Variants in NUP98 observed in about 807,000 individuals in gnomAD.
NUP98 encodes the protein nuclear pore complex protein Nup98-Nup96.
In NUP98, 26 loss-of-function variants were observed where a neutral mutation model predicts 191.9. That is an observed-to-expected ratio of 0.14 (90% CI 0.10 to 0.19). The LOEUF (loss-of-function observed/expected upper bound fraction) is 0.19. NUP98 is among the 10% of genes least tolerant of loss of function. The probability of loss-of-function intolerance (pLI) is 1.00; values close to 1 mark genes in which losing one functional copy is unlikely to be tolerated. For synonymous variants in NUP98, 808 were observed against 778.4 expected (o/e 1.04, Z -0.63); for missense variants, 1,941 against 2,178.8 (o/e 0.89, Z 2.17).
intron 14 of NUP98, among the ~76,000 whole-genome samples, chr11:3,728,001 A>G (rs888900414): frequency 2.4e-4 from 37 of 152,306 alleles, no homozygotes; most frequent in African/African-American, 8.7e-4. Flanking sequence ...AGCCTGGGTG[A>G]CAGAGTAAGA....
At chr11:3,782,777 A>G (rs987290750) in intron 1 of NUP98, among the ~76,000 whole-genome samples, 1 of 151,902 alleles carries the variant, frequency 6.6e-6, no homozygotes, top group Non-Finnish European at 1.5e-5. Flanking sequence ...AAAACTCCTG[A>G]TCGAGTGATC....
intron 21 of NUP98, among the ~76,000 whole-genome samples, chr11:3,706,019 A>G (rs2078848630): frequency 7.0e-6 from 1 of 143,552 alleles, no homozygotes; most frequent in Non-Finnish European, 1.5e-5. Context: ...AAAAAAAAGT[A>G]GCCAGGTGTG....
intron 29 of NUP98, 38 bp downstream of exon 29, chr11:3,685,935 C>T (rs368807233): frequency 1.3e-6 from 2 of 1,523,202 alleles, no homozygotes; most frequent in South Asian, 1.1e-5. Flanking sequence ...CCCTGTAGTG[C>T]TAGATGTACC....
intron 23 of NUP98, among the ~76,000 whole-genome samples, chr11:3,702,192 C>T (rs1381352016): frequency 1.3e-5 from 2 of 151,198 alleles, no homozygotes; most frequent in Admixed American, 6.6e-5. Flanking sequence ...AAGCTGAGAT[C>T]GTGCCACCGC....
At chr11:3,735,347 AC>A (rs757491111) in intron 12 of NUP98, 23 bp from the exon 13 acceptor site, 2 of 1,306,234 alleles carry the variant, frequency 1.5e-6, no homozygotes, top group Non-Finnish European at 2.0e-6. Flanking sequence ...AAAAAAGAAA[AC>A]AAAATATATA....
At chr11:3,796,121 G>A (rs1051082735) in intron 1 of NUP98, among the ~76,000 whole-genome samples, 1 of 152,116 alleles carries the variant, frequency 6.6e-6, no homozygotes, top group Non-Finnish European at 1.5e-5. Context: ...TTGTAAGACC[G>A]TCACAGGGAA....
At chr11:3,785,329 T>G (rs924697457) in intron 1 of NUP98, among the ~76,000 whole-genome samples, 1 of 152,144 alleles carries the variant, frequency 6.6e-6, no homozygotes. Flanking sequence ...CTCTCTTCTG[T>G]GAGAGCATGC....
chr11:3,702,275 A>C (rs1031154363), intron 23 of NUP98, among the ~76,000 whole-genome samples, 188 bp downstream of exon 23: 2 of 147,020 alleles, frequency 1.4e-5, no homozygotes, highest in Non-Finnish European at 3.0e-5. Context: ...ACAGAGCAAA[A>C]CTGAGACACA....
rs529024577 is a variant in NUP98 at position 3,703,757 on chromosome 11, G to A, written c.3083-865C>T. Among the ~76,000 whole-genome samples the A allele has an allele frequency of 2.6e-5, 4 of 152,178 alleles. No individual in the cohort carries two copies. The East Asian group carries it at 5.8e-4, about 22-fold the overall frequency. ...TACTCTAAACAATGCTACAGTCAACGAAATAAAAACACACTAGGTATCTTA... is the reference window on the plus strand; with the variant it reads ...TACTCTAAACAATGCTACAGTCAACAAAATAAAAACACACTAGGTATCTTA... On this transcript the variant is annotated intron_variant, in intron 22 of 32. Transcript: ENST00000324932.
intron 13 of NUP98, among the ~76,000 whole-genome samples, chr11:3,734,690 G>C (rs1448708627): frequency 6.6e-6 from 1 of 152,162 alleles, no homozygotes; most frequent in East Asian, 1.9e-4. Flanking sequence ...AAAATCAAGA[G>C]GTTAAGATTT....
rs1317240936 is a variant in NUP98, at chr11:3,701,463, T to C, written c.3513-624A>G. On this transcript the variant is annotated intron_variant, in intron 23 of 32. Transcript: ENST00000324932. The stretch of plus-strand genomic sequence containing the variant: ...TTTTAGTAGAGACAGGGTTTTACCA[T>C]GTTGGCCAGGCTGGTCTCGAACTCC... Among the ~76,000 whole-genome samples the C allele has an allele frequency of 3.9e-5, 6 of 152,076 alleles. No individual in the cohort carries two copies. In the East Asian group the frequency reaches 7.7e-4, roughly 20 times the overall value.
intron 25 of NUP98, among the ~76,000 whole-genome samples, chr11:3,696,459 A>G (rs2078509172): frequency 6.6e-6 from 1 of 151,870 alleles, no homozygotes; most frequent in Non-Finnish European, 1.5e-5. Context: ...CAGAGATTGC[A>G]CTACTGCACT....
At chr11:3,712,970 T>C (rs1384068525) in intron 19 of NUP98, among the ~76,000 whole-genome samples, 1 of 152,252 alleles carries the variant, frequency 6.6e-6, no homozygotes, top group Non-Finnish European at 1.5e-5. Flanking sequence ...TAAAATGTCA[T>C]TTAAACTGTA....
At chr11:3,770,610 A>G (rs1235849792) in intron 7 of NUP98, among the ~76,000 whole-genome samples, 1 of 151,648 alleles carries the variant, frequency 6.6e-6, no homozygotes, top group Admixed American at 6.6e-5. Context: ...AAAAGCTATA[A>G]TTTTTGCTTT....
intron 25 of NUP98, among the ~76,000 whole-genome samples, chr11:3,698,581 G>C (rs564364817): frequency 3.4e-4 from 51 of 151,916 alleles, no homozygotes; most frequent in Non-Finnish European, 6.8e-4. Flanking sequence ...ACAAAAATTA[G>C]CCAGGTGTGG....
rs145894440 is a variant in NUP98 at position 3,754,757 on chromosome 11, C to A, written c.1175-1349G>T. ...ACAAGTTCAACGCCAGTCTGGCCAACATGGAGAAACCCCACCTCTACTAAA... is the reference window on the plus strand; with the variant it reads ...ACAAGTTCAACGCCAGTCTGGCCAAAATGGAGAAACCCCACCTCTACTAAA... On this transcript the variant is annotated intron_variant, in intron 10 of 32. Coordinates refer to ENST00000324932, the MANE Select transcript of NUP98 (RefSeq NM_016320.5). 1.0e-3 allele frequency among the ~76,000 whole-genome samples: 157 copies of A among 152,118 alleles called. 4 individuals carry two copies. The East Asian group carries it at 0.03, about 29-fold the overall frequency.
intron 13 of NUP98, among the ~76,000 whole-genome samples, 180 bp downstream of exon 13, chr11:3,735,011 C>CGT (rs2079991477): frequency 6.6e-6 from 1 of 152,146 alleles, no homozygotes; most frequent in Non-Finnish European, 1.5e-5. Flanking sequence ...TTCACTGTCC[C>CGT]AACACCTTCC....
chr11:3,738,218 T>A (rs2080147527), intron 12 of NUP98, among the ~76,000 whole-genome samples: 1 of 151,768 alleles, frequency 6.6e-6, no homozygotes, highest in Admixed American at 6.6e-5. Flanking sequence ...AAGACACAGG[T>A]AAGAGAGTAT....
intron 27 of NUP98, 54 bp downstream of exon 27, chr11:3,693,178 A>G (rs1246065382): frequency 4.4e-6 from 7 of 1,585,346 alleles, no homozygotes; most frequent in Non-Finnish European, 6.0e-6. Flanking sequence ...CTTCAATTTG[A>G]CAATACTTTA....
Sources: gnomAD v4.1 joint callset for allele counts (sites outside exome capture counted in the v4.1 genomes callset) on GRCh38, gnomAD v4.1.1 for gene constraint, MANE v1.5 for transcripts, NCBI Gene and HGNC (gene_info 2026-07-23, HGNC 2026-07-21) for gene names.